Variants in HDAC9 observed in about 807,000 individuals in gnomAD.
HDAC9 encodes histone deacetylase 9, also known as MEF-2 interacting transcription repressor (MITR) protein.
In HDAC9, 41 loss-of-function variants were observed where a neutral mutation model predicts 139.4. The ratio of observed to expected loss-of-function variants is 0.29; its 90% CI spans 0.23 to 0.38. The LOEUF is 0.38. Among genes scored for constraint, HDAC9 ranks in the 10% least tolerant of loss-of-function variants. The probability of loss-of-function intolerance (pLI) is 1.00; values close to 1 mark genes in which losing one functional copy is unlikely to be tolerated. For synonymous variants in HDAC9, 517 were observed against 476.2 expected, an observed-to-expected ratio of 1.09 and a Z score of -1.12; for missense variants, 1,147 against 1,297.0, an observed-to-expected ratio of 0.88 and a Z score of 1.78.
intron 1 of HDAC9, among the ~76,000 whole-genome samples, chr7:18,292,155 G>A (rs1160899184): frequency 4.6e-5 from 7 of 151,968 alleles, no homozygotes; most frequent in Admixed American, 4.6e-4. Context: ...CATTTACAAT[G>A]CACCTGGCAC....
intron 1 of HDAC9, among the ~76,000 whole-genome samples, chr7:18,450,452 A>G (rs2128101519): frequency 2.0e-5 from 3 of 152,340 alleles, no homozygotes; most frequent in Admixed American, 2.0e-4. Context: ...TTTCAGCGGC[A>G]GAAGAATTTC....
chr7:18,237,674 A>G (rs1793915002), intron 2 of HDAC9, among the ~76,000 whole-genome samples: 1 of 152,200 alleles, frequency 6.6e-6, no homozygotes, highest in African/African-American at 2.4e-5. Context: ...GGTAATTGAG[A>G]GAATGATGAC....
chr7:18,500,087 A>G (rs1377781828), intron 2 of HDAC9, among the ~76,000 whole-genome samples: 1 of 152,054 alleles, frequency 6.6e-6, no homozygotes, highest in Non-Finnish European at 1.5e-5. Context: ...AATCAGAAAT[A>G]TAATTATAAA....
chr7:18,144,991 C>T (rs764488501), intron 1 of HDAC9, among the ~76,000 whole-genome samples: 10 of 152,132 alleles, frequency 6.6e-5, no homozygotes, highest in South Asian at 2.1e-4. Context: ...TTGTCATCAC[C>T]GACTCTGGGA....
chr7:18,391,334 G>A lies in HDAC9; in HGVS notation c.-42+100819G>A, dbSNP rs546255677. Among the ~76,000 whole-genome samples, 24 of 151,910 alleles carry A rather than the reference G, an allele frequency of 1.6e-4. No homozygotes were observed. The East Asian group carries it at 1.9e-3, about 12-fold the overall frequency. ...CGGAAGGCAGAGGCTGCAGTGAGCC[G>A]CTATCGTGCCACTGCATTCCAGCCT... is the stretch of plus-strand genomic sequence containing the variant. On this transcript the variant is annotated intron_variant, in intron 1 of 3. Transcript: ENST00000413509.
chr7:18,210,816 C>T (rs913132515), intron 2 of HDAC9, among the ~76,000 whole-genome samples: 13 of 152,082 alleles, frequency 8.5e-5, no homozygotes, highest in South Asian at 4.2e-4. Context: ...TAGCCAAGTT[C>T]ATCATTTTAA....
At chr7:18,738,414 T>A (rs1300425742) in intron 13 of HDAC9, among the ~76,000 whole-genome samples, 1 of 148,070 alleles carries the variant, frequency 6.8e-6, no homozygotes, top group Non-Finnish European at 1.5e-5. Context: ...TTTCTTTCCA[T>A]GTTTAGTGCT....
intron 2 of HDAC9, among the ~76,000 whole-genome samples, chr7:18,243,408 A>G (rs905781618): frequency 6.6e-6 from 1 of 152,218 alleles, no homozygotes; most frequent in African/African-American, 2.4e-5. Context: ...AGTGTTCAAG[A>G]AAGGGCCCCA....
intron 1 of HDAC9, among the ~76,000 whole-genome samples, chr7:18,399,652 G>T (rs986314674): frequency 1.3e-5 from 2 of 152,188 alleles, no homozygotes; most frequent in Non-Finnish European, 2.9e-5. Flanking sequence ...TTTTCTCAGA[G>T]GAGTACTAGG....
intron 22 of HDAC9, among the ~76,000 whole-genome samples, chr7:18,901,353 T>TA (rs1248667716): frequency 5.3e-5 from 8 of 151,746 alleles, no homozygotes; most frequent in South Asian, 2.1e-4. Flanking sequence ...ATCTCAGAGT[T>TA]AAAAAAAATC....
intron 1 of HDAC9, among the ~76,000 whole-genome samples, chr7:18,403,496 C>A (rs188409281): frequency 7.0e-4 from 107 of 152,250 alleles, no homozygotes; most frequent in Non-Finnish European, 8.8e-5. Context: ...CAAAAATACA[C>A]CTGCTGTGTA....
chr7:18,850,714 C>G (rs1797224165), intron 21 of HDAC9, among the ~76,000 whole-genome samples: 1 of 152,196 alleles, frequency 6.6e-6, no homozygotes, highest in Non-Finnish European at 1.5e-5. Flanking sequence ...GCTGTCACAA[C>G]ATATCATGGA....
At chr7:18,108,906 A>G (rs559938525) in intron 1 of HDAC9, among the ~76,000 whole-genome samples, 1 of 152,284 alleles carries the variant, frequency 6.6e-6, no homozygotes, top group South Asian at 2.1e-4. Flanking sequence ...GGTGTGAGCC[A>G]CTGCGCCTGG....
intron 16 of HDAC9, among the ~76,000 whole-genome samples, chr7:18,792,266 T>TAA (rs1474112535): frequency 2.0e-5 from 3 of 147,732 alleles, no homozygotes; most frequent in African/African-American, 5.1e-5. Context: ...TCTTTTTTTT[T>TAA]TAAAAAAAAA....
chr7:18,812,371 A>G (rs950783238), intron 17 of HDAC9, among the ~76,000 whole-genome samples: 2 of 151,976 alleles, frequency 1.3e-5, no homozygotes, highest in South Asian at 4.1e-4. Flanking sequence ...CTGTTCTGCT[A>G]GCAACAAATT....
At chr7:18,946,452 T>G (rs1021005995) in intron 23 of HDAC9, among the ~76,000 whole-genome samples, 1 of 151,926 alleles carries the variant, frequency 6.6e-6, no homozygotes, top group Non-Finnish European at 1.5e-5. Context: ...AAACTTTGAA[T>G]GAAGGAAATG....
intron 24 of HDAC9, among the ~76,000 whole-genome samples, chr7:18,956,657 A>T (rs1029904661): frequency 2.6e-5 from 4 of 152,130 alleles, no homozygotes; most frequent in African/African-American, 9.7e-5. Flanking sequence ...CATCTACTCA[A>T]AAGGAGTCTG....
At chr7:18,510,497 A>C (rs1801163385) in intron 2 of HDAC9, among the ~76,000 whole-genome samples, 1 of 151,856 alleles carries the variant, frequency 6.6e-6, no homozygotes, top group African/African-American at 2.4e-5. Flanking sequence ...TGTAGAGACA[A>C]TTTTCTTAGA....
intron 12 of HDAC9, among the ~76,000 whole-genome samples, chr7:18,701,093 T>A (rs1233791611): frequency 6.6e-6 from 1 of 152,136 alleles, no homozygotes; most frequent in East Asian, 1.9e-4. Context: ...CTGCAAAATT[T>A]ATGTTTCTGC....
Sources: gnomAD v4.1 joint callset for allele counts (sites outside exome capture counted in the v4.1 genomes callset) on GRCh38, gnomAD v4.1.1 for gene constraint, MANE v1.5 for transcripts, NCBI Gene and HGNC (gene_info 2026-07-23, HGNC 2026-07-21) for gene names.